ADAMTS6: variants seen among roughly 807,000 people sequenced by gnomAD.
ADAMTS6 encodes ADAM metallopeptidase with thrombospondin type 1 motif 6, also known as A disintegrin and metalloproteinase with thrombospondin motifs 6.
ADAMTS6 carries 23 observed loss-of-function variants against 144.3 expected under a neutral mutation model. The observed-to-expected ratio is 0.16, with a 90% confidence interval of 0.11 to 0.23. The LOEUF (loss-of-function observed/expected upper bound fraction) is 0.23. Ranked by LOEUF, ADAMTS6 falls within the 10% of genes least tolerant of loss-of-function variation. The pLI is 1.00. For missense variants in ADAMTS6, 999 were observed against 1,379.6 expected, an observed-to-expected ratio of 0.72 and a Z score of 4.37; for synonymous variants, 444 against 457.5, an observed-to-expected ratio of 0.97 and a Z score of 0.38.
chr5:65,321,300 G>A (rs1333046404), intron 9 of ADAMTS6, among the ~76,000 whole-genome samples: 1 of 152,048 alleles, frequency 6.6e-6, no homozygotes, highest in African/African-American at 2.4e-5. Context: ...CTAATTATCA[G>A]TGATGTTGAG....
In ADAMTS6 at chr5:65,291,245, G is replaced by A. The variant is rs897175598; in HGVS notation, c.1512+84C>T. ...ATTAAAGATATTACTAGAGGGAACC[G>A]ACATTCATCGTAATTCCATCTTAAC... On this transcript the variant is annotated intron_variant, in intron 11 of 24. Transcript: ENST00000381055. 29 of 1,471,906 alleles carry A rather than the reference G, an allele frequency of 2.0e-5. 1 individual carries two copies. The highest frequency in any genetic ancestry group is 5.8e-5 in the South Asian group (4 of 68,798). The allele number at this position is 1,471,906 out of a possible 1,614,324, so 91.2% of individuals were successfully genotyped here.
chr5:65,298,607 T>G (rs1007660589), intron 10 of ADAMTS6, among the ~76,000 whole-genome samples: 5 of 152,184 alleles, frequency 3.3e-5, no homozygotes, highest in Non-Finnish European at 7.4e-5. Flanking sequence ...GGTCTACCTT[T>G]ATAGCACTTC....
chr5:65,299,842 T>C (rs1355828328), intron 10 of ADAMTS6, 143 bp downstream of exon 10: 5 of 864,050 alleles, frequency 5.8e-6, no homozygotes, highest in African/African-American at 1.7e-5. Flanking sequence ...CAATGATATA[T>C]TAAAGTATTT....
intron 18 of ADAMTS6, among the ~76,000 whole-genome samples, chr5:65,221,135 T>C (rs1392752687): frequency 2.0e-5 from 3 of 152,130 alleles, no homozygotes; most frequent in East Asian, 1.9e-4. Context: ...GGAACACTTC[T>C]AAAGCCATTT....
Position 65,257,954 on chromosome 5 carries a change from G to A in ADAMTS6, c.1830+2646C>T, listed in dbSNP as rs146181044. ...AGATTGTCTTTCTCACCCAAGCATG[G>A]TCTAATATACAATAGGCATTCAATT... On this transcript the variant is annotated intron_variant, in intron 14 of 24. Coordinates refer to ENST00000381055, the MANE Select transcript of ADAMTS6 (RefSeq NM_197941.4). 1.1e-3 allele frequency among the ~76,000 whole-genome samples: 163 copies of A among 152,132 alleles called. 2 individuals carry two copies. Among genetic ancestry groups the A allele is most frequent in the African/African-American group, 3.8e-3 (159 of 41,502 alleles).
chr5:65,292,083 G>A (rs1180770804), intron 10 of ADAMTS6, among the ~76,000 whole-genome samples: 3 of 152,098 alleles, frequency 2.0e-5, no homozygotes, highest in Non-Finnish European at 4.4e-5. Context: ...TTGGAAAAGA[G>A]AATGTTCTCT....
chr5:65,175,757 A>C (rs1321611179), intron 22 of ADAMTS6, among the ~76,000 whole-genome samples: 1 of 152,166 alleles, frequency 6.6e-6, no homozygotes, highest in East Asian at 1.9e-4. Flanking sequence ...CCCTTAACCC[A>C]GCAGGTTTCC....
chr5:65,307,055 C>T (rs1206946757), intron 9 of ADAMTS6, among the ~76,000 whole-genome samples: 1 of 152,094 alleles, frequency 6.6e-6, no homozygotes, highest in Admixed American at 6.5e-5. Flanking sequence ...ATTTCATGTT[C>T]CTTATGTCTT....
chr5:65,174,161 T>C (rs375626203), intron 22 of ADAMTS6, among the ~76,000 whole-genome samples: 33 of 152,228 alleles, frequency 2.2e-4, no homozygotes, highest in African/African-American at 7.9e-4. Context: ...ACTGGAGAGA[T>C]ATAAAAATGA....
intron 9 of ADAMTS6, among the ~76,000 whole-genome samples, chr5:65,305,282 T>C (rs1027097137): frequency 6.6e-6 from 1 of 152,108 alleles, no homozygotes. Flanking sequence ...ACTTAAAAAG[T>C]AAAAAGTAAA....
chr5:65,339,053 C>T (rs967089142), intron 7 of ADAMTS6, among the ~76,000 whole-genome samples: 4 of 152,170 alleles, frequency 2.6e-5, no homozygotes, highest in Admixed American at 1.3e-4. Context: ...TAACTGCATG[C>T]CTGTGTTTCC....
intron 7 of ADAMTS6, among the ~76,000 whole-genome samples, chr5:65,383,182 AC>A (rs1454986191): frequency 1.3e-5 from 2 of 151,854 alleles, no homozygotes; most frequent in Non-Finnish European, 2.9e-5. Context: ...TTTTGCTCCG[AC>A]CCCACAAAAT....
At chr5:65,278,422 G>C (rs1762732319) in intron 11 of ADAMTS6, among the ~76,000 whole-genome samples, 1 of 152,118 alleles carries the variant, frequency 6.6e-6, no homozygotes, top group Non-Finnish European at 1.5e-5. Flanking sequence ...TTTCCATTGA[G>C]GTACTAATTT....
chr5:65,400,540 TC>T (rs1192128812), intron 7 of ADAMTS6, among the ~76,000 whole-genome samples: 4 of 152,324 alleles, frequency 2.6e-5, no homozygotes, highest in Middle Eastern at 3.4e-3. Context: ...TCTGTGATTT[TC>T]TGTAATTTAA....
At chr5:65,250,011 T>G (rs1396771600) in intron 14 of ADAMTS6, among the ~76,000 whole-genome samples, 2 of 152,218 alleles carry the variant, frequency 1.3e-5, no homozygotes, top group Non-Finnish European at 2.9e-5. Flanking sequence ...GCTTCATCTC[T>G]TTTAAGAGCA....
chr5:65,205,309 G>A (rs746483603), intron 20 of ADAMTS6, among the ~76,000 whole-genome samples: 2 of 152,168 alleles, frequency 1.3e-5, no homozygotes, highest in Non-Finnish European at 2.9e-5. Flanking sequence ...CATTCTGTTA[G>A]TTCACTAATA....
At chr5:65,231,053 A>AAT (rs1407301867) in intron 15 of ADAMTS6, among the ~76,000 whole-genome samples, 7 of 151,306 alleles carry the variant, frequency 4.6e-5, no homozygotes, top group Non-Finnish European at 8.9e-5. Context: ...AATTACTTTA[A>AAT]ATGTAAATGG....
At chr5:65,453,684 C>T (rs2150252358) in intron 4 of ADAMTS6, among the ~76,000 whole-genome samples, 1 of 152,258 alleles carries the variant, frequency 6.6e-6, no homozygotes, top group African/African-American at 2.4e-5. Context: ...TTGTAAACAC[C>T]TGCCTCACTG....
At chr5:65,257,329 A>G (rs932786922) in intron 14 of ADAMTS6, among the ~76,000 whole-genome samples, 1 of 152,096 alleles carries the variant, frequency 6.6e-6, no homozygotes, top group Non-Finnish European at 1.5e-5. Flanking sequence ...CATTGAGAAT[A>G]TTCTCACTTG....
Sources: allele counts gnomAD v4.1 joint callset (sites outside exome capture counted in the v4.1 genomes callset), GRCh38; gene constraint gnomAD v4.1.1; transcripts MANE v1.5; gene names NCBI Gene and HGNC (gene_info 2026-07-23, HGNC 2026-07-21).